TAFA5: variants seen among roughly 807,000 people sequenced by gnomAD.
TAFA5 encodes the protein TAFA chemokine like family member 5.
A neutral mutation model predicts 15.3 loss-of-function variants in TAFA5; 6 were observed. The ratio of observed to expected loss-of-function variants is 0.39; its 90% CI spans 0.21 to 0.77. TAFA5 has a LOEUF of 0.77. Ranked by LOEUF, TAFA5 falls within the 30% of genes least tolerant of loss-of-function variation. The pLI, the probability that TAFA5 is intolerant of heterozygous loss-of-function variation, is 0.41. For missense variants in TAFA5, 161 were observed against 193.1 expected (o/e 0.83, Z 0.98); for synonymous variants, 103 against 80.7 (o/e 1.28, Z -1.48).
intron 2 of TAFA5, among the ~76,000 whole-genome samples, chr22:48,705,254 G>A (rs1929043559): frequency 6.6e-6 from 1 of 152,104 alleles, no homozygotes; most frequent in South Asian, 2.1e-4. Flanking sequence ...GGTGGGGTGG[G>A]GCAGGACTGG....
intron 1 of TAFA5, among the ~76,000 whole-genome samples, chr22:48,551,323 C>G (rs1391983331): frequency 1.3e-5 from 2 of 152,154 alleles, no homozygotes; most frequent in Non-Finnish European, 2.9e-5. Flanking sequence ...GGCGGCTCGG[C>G]TCTGACCCAG....
At chr22:48,658,617 C>T (rs1046072475) in intron 2 of TAFA5, among the ~76,000 whole-genome samples, 1 of 152,210 alleles carries the variant, frequency 6.6e-6, no homozygotes, top group Non-Finnish European at 1.5e-5. Context: ...GGCAGTACTG[C>T]TGTCACCTCC....
chr22:48,684,850 G>A (rs1415999670), intron 2 of TAFA5, among the ~76,000 whole-genome samples: 1 of 152,232 alleles, frequency 6.6e-6, no homozygotes, highest in South Asian at 2.1e-4. Flanking sequence ...CTCGGGGTGC[G>A]GCTCCCAGAG....
intron 1 of TAFA5, among the ~76,000 whole-genome samples, chr22:48,619,077 A>G (rs961309359): frequency 1.3e-5 from 2 of 152,222 alleles, no homozygotes; most frequent in Non-Finnish European, 2.9e-5. Flanking sequence ...TTCCACATTC[A>G]TGATCTATTT....
rs1003041377 is a variant in TAFA5, at chr22:48,646,756, C to T, written c.262+10C>T. The T allele has an allele frequency of 9.0e-6, 14 of 1,563,790 alleles. No homozygotes were observed. Among genetic ancestry groups the T allele is most frequent in the African/African-American group, 4.0e-5 (3 of 74,218 alleles). On this transcript the variant is annotated intron_variant, in intron 2 of 3. Transcript: ENST00000402357. ...CCCGCCTGTGTGGACGGTAAGCACC[C>T]GTGGCCCCAGGACCCCTCCGGGTGC...
intron 1 of TAFA5, among the ~76,000 whole-genome samples, chr22:48,507,392 C>T (rs1569162134): frequency 6.6e-6 from 1 of 152,170 alleles, no homozygotes; most frequent in Non-Finnish European, 1.5e-5. Flanking sequence ...CTGGTCCTTC[C>T]AGAGAGGCTC....
intron 1 of TAFA5, among the ~76,000 whole-genome samples, chr22:48,572,126 G>A (rs773465503): frequency 2.0e-5 from 3 of 152,120 alleles, no homozygotes; most frequent in Non-Finnish European, 4.4e-5. Context: ...AATTATTTCT[G>A]TCCCCTAAGG....
chr22:48,621,627 C>A (rs765691340), intron 1 of TAFA5, among the ~76,000 whole-genome samples: 1 of 152,162 alleles, frequency 6.6e-6, no homozygotes, highest in Admixed American at 6.5e-5. Flanking sequence ...CCACTGAGTC[C>A]GGCTGTGGCC....
chr22:48,750,829 A>G lies in TAFA5; in HGVS notation c.*982A>G, dbSNP rs893963744. ...TGTATTTTGCAAAGCCTAAAGTTAT[A>G]TATTTAACAGTTTTTATATGTTGTA... On this transcript the variant is annotated 3_prime_UTR_variant, in exon 4 of 4. Transcript: ENST00000402357. 6.6e-5 allele frequency: 10 copies of G among 152,622 alleles called. No individual in the cohort carries two copies. The highest frequency in any genetic ancestry group is 1.9e-4 in the African/African-American group (8 of 41,458). 9.5% of individuals were successfully genotyped at this position (152,622 alleles called of 1,614,324 possible).
Position 48,701,851 on chromosome 22 carries a change from C to T in TAFA5, c.263-5866C>T, listed in dbSNP as rs117947739. ...AGCCCGCACTGGGCAGCGTCCTCTG[C>T]GCTCTGCCCTCCTGGAGCCCAAGGT... is the stretch of plus-strand genomic sequence containing the variant. On this transcript the variant is annotated intron_variant, in intron 2 of 3. Coordinates refer to ENST00000402357, the MANE Select transcript of TAFA5 (RefSeq NM_001082967.3). 2.9e-3 allele frequency among the ~76,000 whole-genome samples: 441 copies of T among 152,332 alleles called. 4 individuals carry two copies. In the East Asian group the frequency reaches 0.051, roughly 17 times the overall value.
chr22:48,548,451 A>G (rs1922750138), intron 1 of TAFA5, among the ~76,000 whole-genome samples: 1 of 152,196 alleles, frequency 6.6e-6, no homozygotes, highest in South Asian at 2.1e-4. Context: ...AACAAACCAG[A>G]AACTCGGGCC....
chr22:48,563,225 C>T (rs1301752889), intron 1 of TAFA5, among the ~76,000 whole-genome samples: 1 of 152,200 alleles, frequency 6.6e-6, no homozygotes, highest in African/African-American at 2.4e-5. Context: ...GACAAGTGGC[C>T]CCTCGTCCCG....
chr22:48,540,123 G>C lies in TAFA5; in HGVS notation c.112+50419G>C, dbSNP rs190974552. On this transcript the variant is annotated intron_variant, in intron 1 of 3. Coordinates refer to ENST00000402357, the MANE Select transcript of TAFA5 (RefSeq NM_001082967.3). ...CCCCTCACCCGCAGTGAACCTGCTGGCCACCAGGACTTGTGCCTTCTTGGG... is the reference window on the plus strand; with the variant it reads ...CCCCTCACCCGCAGTGAACCTGCTGCCCACCAGGACTTGTGCCTTCTTGGG... 1.9e-3 allele frequency among the ~76,000 whole-genome samples: 286 copies of C among 152,356 alleles called. 3 individuals are homozygous for C. The highest frequency in any genetic ancestry group is 0.017 in the Admixed American group (262 of 15,304).
Position 48,751,762 on chromosome 22 carries a change from C to T in TAFA5, c.*1915C>T, listed in dbSNP as rs1171695470. 1.3e-5 allele frequency: 2 copies of T among 152,514 alleles called. No individual in the cohort carries two copies. The highest frequency in any genetic ancestry group is 2.9e-5 in the Non-Finnish European group (2 of 68,054). 9.4% of individuals were successfully genotyped at this position (152,514 alleles called of 1,614,324 possible). ...CCGGCAGCCTCTGCCAGCCAGCGTC[C>T]TCACGGCCTCCCCCTCGCCTGTTTC... On this transcript the variant is annotated 3_prime_UTR_variant, in exon 4 of 4. Coordinates refer to ENST00000402357, the MANE Select transcript of TAFA5 (RefSeq NM_001082967.3).
At chr22:48,677,525 G>T (rs1303879613) in intron 2 of TAFA5, among the ~76,000 whole-genome samples, 1 of 152,204 alleles carries the variant, frequency 6.6e-6, no homozygotes, top group Non-Finnish European at 1.5e-5. Flanking sequence ...CAATCAGCTG[G>T]CCAGGAATAG....
intron 1 of TAFA5, among the ~76,000 whole-genome samples, chr22:48,565,173 C>A (rs1320908175): frequency 1.3e-5 from 2 of 152,216 alleles, no homozygotes; most frequent in African/African-American, 4.8e-5. Flanking sequence ...TGGGCTCCGG[C>A]TTGAGGCAGG....
chr22:48,541,957 G>A (rs1033212043), intron 1 of TAFA5, among the ~76,000 whole-genome samples: 3 of 152,166 alleles, frequency 2.0e-5, no homozygotes, highest in African/African-American at 4.8e-5. Context: ...CCAGGACGCC[G>A]AGTGCAGGGC....
chr22:48,501,694 C>T lies in TAFA5; in HGVS notation c.112+11990C>T, dbSNP rs1047321029. The stretch of plus-strand genomic sequence containing the variant: ...ATGGGAACTGGGACTGAGACACAGC[C>T]CAGGAGTGTACCAGCATCTCCTTTC... On this transcript the variant is annotated intron_variant, in intron 1 of 3. Coordinates refer to ENST00000402357, the MANE Select transcript of TAFA5 (RefSeq NM_001082967.3). 2.6e-5 allele frequency among the ~76,000 whole-genome samples: 4 copies of T among 152,300 alleles called. No individual in the cohort carries two copies. In the South Asian group the frequency reaches 8.3e-4, roughly 32 times the overall value.
intron 1 of TAFA5, among the ~76,000 whole-genome samples, chr22:48,565,113 G>T (rs1036723927): frequency 6.6e-6 from 1 of 152,208 alleles, no homozygotes; most frequent in Non-Finnish European, 1.5e-5. Flanking sequence ...GGAGGAGACT[G>T]GCCATGGTCA....
Sources: allele counts gnomAD v4.1 joint callset (sites outside exome capture counted in the v4.1 genomes callset), GRCh38; gene constraint gnomAD v4.1.1; transcripts MANE v1.5; gene names NCBI Gene and HGNC (gene_info 2026-07-23, HGNC 2026-07-21).